FHIT: variants seen among roughly 807,000 people sequenced by gnomAD.
The protein encoded by FHIT is bis(5'-adenosyl)-triphosphatase.
Under a neutral mutation model 17.9 loss-of-function variants are expected in FHIT, and 19 were observed. That is an observed-to-expected ratio of 1.06 (90% CI 0.74 to 1.56). FHIT has a LOEUF of 1.56. Among genes scored for constraint, FHIT ranks in the 40% most tolerant of loss-of-function variants. The pLI, the probability that FHIT is intolerant of heterozygous loss-of-function variation, is 0.00. For synonymous variants in FHIT, 81 were observed against 69.7 expected (o/e 1.16, Z -0.81); for missense variants, 248 against 189.2 (o/e 1.31, Z -1.82).
At chr3:60,271,787 A>C (rs1706877581) in intron 5 of FHIT, among the ~76,000 whole-genome samples, 1 of 152,220 alleles carries the variant, frequency 6.6e-6, no homozygotes. Context: ...TCAACATGGC[A>C]TAATGCCTGG....
intron 4 of FHIT, among the ~76,000 whole-genome samples, chr3:60,604,664 G>A (rs2038550214): frequency 1.3e-5 from 2 of 152,158 alleles, no homozygotes; most frequent in African/African-American, 4.8e-5. Context: ...TTCTATGCAG[G>A]AAGGAGCATG....
intron 2 of FHIT, among the ~76,000 whole-genome samples, chr3:61,167,336 G>A (rs2037868304): frequency 1.3e-5 from 2 of 151,616 alleles, no homozygotes; most frequent in South Asian, 4.2e-4. Flanking sequence ...TGCATATACA[G>A]ACGTTAAAAG....
At chr3:60,353,399 A>G (rs1327989609) in intron 5 of FHIT, among the ~76,000 whole-genome samples, 2 of 152,142 alleles carry the variant, frequency 1.3e-5, no homozygotes, top group Admixed American at 1.3e-4. Flanking sequence ...TAGAGGGTCT[A>G]CTAAAAAGGC....
At chr3:61,167,497 C>A (rs766555387) in intron 2 of FHIT, among the ~76,000 whole-genome samples, 1 of 151,094 alleles carries the variant, frequency 6.6e-6, no homozygotes, top group Non-Finnish European at 1.5e-5. Context: ...ATTAGTCGGG[C>A]ATGTGCCTGT....
At chr3:60,011,269 A>G in intron 7 of FHIT, 102 bp downstream of exon 7, 1 of 1,090,866 alleles carries the variant, frequency 9.2e-7, no homozygotes, top group Non-Finnish European at 1.4e-6. Context: ...CCTCGAAGAT[A>G]ACATAATGAA....
At chr3:60,318,225 A>G (rs569881925) in intron 5 of FHIT, among the ~76,000 whole-genome samples, 33 of 152,338 alleles carry the variant, frequency 2.2e-4, no homozygotes, top group Non-Finnish European at 4.1e-4. Context: ...AAAAAATCAC[A>G]TTAAGGAGCA....
At chr3:59,917,286 C>T (rs1449530402) in intron 8 of FHIT, among the ~76,000 whole-genome samples, 3 of 152,222 alleles carry the variant, frequency 2.0e-5, no homozygotes, top group Non-Finnish European at 4.4e-5. Flanking sequence ...ATAGTCACTT[C>T]CTTCATCAGT....
chr3:61,011,839 T>C (rs1006027983), intron 3 of FHIT, among the ~76,000 whole-genome samples: 2 of 152,146 alleles, frequency 1.3e-5, no homozygotes, highest in Non-Finnish European at 2.9e-5. Flanking sequence ...AGGAGCAGAC[T>C]CACTGCAAAC....
At chr3:60,059,055 G>A (rs79454471) in intron 5 of FHIT, among the ~76,000 whole-genome samples, 1,827 of 152,252 alleles carry the variant, frequency 0.012, 34 homozygotes, top group African/African-American at 0.042. Context: ...GCGTGATGGG[G>A]CAGGAGAGGG....
intron 8 of FHIT, among the ~76,000 whole-genome samples, chr3:59,897,655 C>T (rs1704128852): frequency 6.6e-6 from 1 of 151,924 alleles, no homozygotes; most frequent in Non-Finnish European, 1.5e-5. Context: ...AAAAGTTCTT[C>T]CCAGGGGAAG....
intron 4 of FHIT, among the ~76,000 whole-genome samples, chr3:60,542,305 C>T (rs749565111): frequency 4.6e-5 from 7 of 152,166 alleles, no homozygotes; most frequent in African/African-American, 1.7e-4. Context: ...ACCATTCTTA[C>T]ACGTTTCCCT....
intron 5 of FHIT, among the ~76,000 whole-genome samples, chr3:60,063,979 C>G (rs970096371): frequency 1.3e-5 from 2 of 152,054 alleles, no homozygotes; most frequent in African/African-American, 4.8e-5. Context: ...ATATAATATG[C>G]CATTTAAGTA....
At chr3:60,064,839 C>T (rs566923425) in intron 5 of FHIT, among the ~76,000 whole-genome samples, 1 of 152,290 alleles carries the variant, frequency 6.6e-6, no homozygotes, top group African/African-American at 2.4e-5. Context: ...TTAGGCACTT[C>T]GCAAGTATTA....
In FHIT at chr3:60,013,988, G is replaced by T; in HGVS notation, c.249+19C>A. On this transcript the variant is annotated intron_variant, in intron 6 of 9. Transcript: ENST00000492590. ...ATGAAAGGGAAGAAAAATCATTTCT[G>T]AGAAATCTGTACACTCACCTGCATG... 2.5e-6 allele frequency: 4 copies of T among 1,611,984 alleles called. No individual in the cohort carries two copies. Among genetic ancestry groups the T allele is most frequent in the Non-Finnish European group, 3.4e-6 (4 of 1,178,546 alleles).
chr3:60,408,821 C>G (rs1222686860), intron 5 of FHIT, among the ~76,000 whole-genome samples: 2 of 152,056 alleles, frequency 1.3e-5, no homozygotes, highest in Non-Finnish European at 2.9e-5. Context: ...GATCAATTAC[C>G]ATAATCAGGG....
intron 5 of FHIT, among the ~76,000 whole-genome samples, chr3:60,221,345 G>A (rs1559738851): frequency 6.6e-6 from 1 of 152,200 alleles, no homozygotes; most frequent in South Asian, 2.1e-4. Flanking sequence ...CAGCAGTTCA[G>A]TACAACAGGA....
At chr3:61,104,824 A>G (rs1595603) in intron 2 of FHIT, among the ~76,000 whole-genome samples, 105,572 of 151,858 alleles carry the variant, frequency 0.7, 37,937 homozygotes, top group African/African-American at 0.8. Flanking sequence ...CAGTCTTCAA[A>G]CTCTGAAATT....
intron 5 of FHIT, among the ~76,000 whole-genome samples, chr3:60,121,709 A>AACAAAACAAAAACACACACACAC (rs1705261038): frequency 3.5e-4 from 41 of 116,416 alleles, no homozygotes; most frequent in African/African-American, 1.3e-3. Context: ...AAACAAAACA[A>AACAAAACAAAAACACACACACAC]ACACACACAC....
intron 4 of FHIT, among the ~76,000 whole-genome samples, chr3:60,652,283 C>A (rs1324006781): frequency 6.6e-6 from 1 of 152,156 alleles, no homozygotes; most frequent in Non-Finnish European, 1.5e-5. Flanking sequence ...TGGGGAGAAC[C>A]ATCACAGTTA....
Sources: allele counts gnomAD v4.1 joint callset (sites outside exome capture counted in the v4.1 genomes callset), GRCh38; gene constraint gnomAD v4.1.1; transcripts MANE v1.5; gene names NCBI Gene and HGNC (gene_info 2026-07-23, HGNC 2026-07-21).